STPG2: variants seen among roughly 807,000 people sequenced by gnomAD.
STPG2 encodes sperm tail PG-rich repeat containing 2, also known as sperm-tail PG-rich repeat-containing protein 2.
In STPG2, 56 loss-of-function variants were observed where a neutral mutation model predicts 54.2. That is an observed-to-expected ratio of 1.03 (90% CI 0.83 to 1.29). The LOEUF (loss-of-function observed/expected upper bound fraction) is 1.29, where lower values mean the gene tolerates loss of function less well. Among genes scored for constraint, STPG2 ranks in the 50% most tolerant of loss-of-function variants. STPG2 has a pLI of 0.00. For missense variants in STPG2, 596 were observed against 544.9 expected (o/e 1.09, Z -0.93); for synonymous variants, 200 against 181.8 (o/e 1.10, Z -0.81).
intron 5 of STPG2, among the ~76,000 whole-genome samples, chr4:98,070,894 A>G (rs942319146): frequency 6.6e-6 from 1 of 152,146 alleles, no homozygotes; most frequent in Non-Finnish European, 1.5e-5. Flanking sequence ...TTCCATGCTC[A>G]TGGATAGGAA....
intron 3 of STPG2, among the ~76,000 whole-genome samples, chr4:98,113,714 T>G (rs1005660322): frequency 6.6e-6 from 1 of 152,010 alleles, no homozygotes; most frequent in African/African-American, 2.4e-5. Flanking sequence ...GTAGGGATTC[T>G]AATTTGATAC....
chr4:97,573,904 C>A (rs559565143), intron 10 of STPG2, among the ~76,000 whole-genome samples: 2 of 152,094 alleles, frequency 1.3e-5, no homozygotes, highest in African/African-American at 4.8e-5. Context: ...TTATACAAAG[C>A]CTGGAATGTA....
intron 5 of STPG2, among the ~76,000 whole-genome samples, chr4:98,002,512 C>A (rs1363822838): frequency 2.0e-5 from 3 of 151,686 alleles, no homozygotes; most frequent in African/African-American, 7.3e-5. Context: ...ATGTATAGAC[C>A]CCTCAAGCAG....
At position 97,969,996 on chromosome 4, in the gene STPG2, G is replaced by T. The variant is rs866037505; in HGVS notation, c.933+2284C>A. On this transcript the variant is annotated intron_variant, in intron 7 of 10. Coordinates refer to ENST00000295268, the MANE Select transcript of STPG2 (RefSeq NM_174952.3). Reference sequence around the variant, plus strand: ...CAAAATCAATGTACAAAAATCACAAGCATTCTTATACACCAATAACAGACA... The same window carrying T: ...CAAAATCAATGTACAAAAATCACAATCATTCTTATACACCAATAACAGACA... Among the ~76,000 whole-genome samples, 24 of 152,246 alleles carry T rather than the reference G, an allele frequency of 1.6e-4. 1 individual carries two copies. In the Middle Eastern group the frequency reaches 0.01, roughly 65 times the overall value.
intron 9 of STPG2, among the ~76,000 whole-genome samples, chr4:97,797,626 C>T (rs540568524): frequency 2.6e-5 from 4 of 152,236 alleles, no homozygotes; most frequent in African/African-American, 9.6e-5. Context: ...TGATGTTCAT[C>T]AGGGATATTG....
chr4:97,748,186 G>A (rs1314678708), intron 9 of STPG2, among the ~76,000 whole-genome samples: 7 of 151,324 alleles, frequency 4.6e-5, no homozygotes, highest in Admixed American at 1.3e-4. Flanking sequence ...TTCTTATTGC[G>A]GAATCATGTG....
At chr4:97,725,778 A>G (rs1217363255) in intron 9 of STPG2, among the ~76,000 whole-genome samples, 2 of 151,920 alleles carry the variant, frequency 1.3e-5, no homozygotes, top group Non-Finnish European at 2.9e-5. Flanking sequence ...TCAAATGTAA[A>G]AGGACACTAT....
intron 5 of STPG2, among the ~76,000 whole-genome samples, chr4:98,015,393 C>T (rs981357603): frequency 3.3e-5 from 5 of 152,080 alleles, no homozygotes; most frequent in Non-Finnish European, 7.4e-5. Context: ...AAAAAGTGGG[C>T]AAATGATATG....
intron 8 of STPG2, among the ~76,000 whole-genome samples, chr4:97,922,477 G>C (rs143030281): frequency 1.9e-3 from 296 of 152,238 alleles, no homozygotes; most frequent in African/African-American, 7.0e-3. Context: ...AAGAAACTGA[G>C]AATGCCTTTG....
chr4:97,971,274 C>T (rs1195936662), intron 7 of STPG2, among the ~76,000 whole-genome samples: 1 of 152,118 alleles, frequency 6.6e-6, no homozygotes, highest in Non-Finnish European at 1.5e-5. Context: ...ACTAGAAATA[C>T]CATTTGACCC....
At chr4:97,472,211 A>C (rs1178243253) in intron 4 of STPG2, among the ~76,000 whole-genome samples, 2 of 152,246 alleles carry the variant, frequency 1.3e-5, no homozygotes, top group East Asian at 3.8e-4. Context: ...GCAGAAATTC[A>C]TTCTGAAATT....
At chr4:97,928,008 A>G (rs1732399267) in intron 8 of STPG2, among the ~76,000 whole-genome samples, 1 of 152,164 alleles carries the variant, frequency 6.6e-6, no homozygotes, top group African/African-American at 2.4e-5. Context: ...CACATACTCA[A>G]AACCAAAACA....
At chr4:97,681,503 C>T (rs952046396) in intron 10 of STPG2, among the ~76,000 whole-genome samples, 2 of 151,706 alleles carry the variant, frequency 1.3e-5, no homozygotes, top group African/African-American at 2.4e-5. Context: ...TCTATATATT[C>T]GTTAATTGGC....
chr4:97,468,538 T>C (rs1729843055), intron 4 of STPG2, among the ~76,000 whole-genome samples: 1 of 152,030 alleles, frequency 6.6e-6, no homozygotes, highest in African/African-American at 2.4e-5. Context: ...CATTCCTAAA[T>C]GTATTGCATG....
intron 8 of STPG2, among the ~76,000 whole-genome samples, chr4:97,900,010 T>C (rs1474228336): frequency 6.6e-6 from 1 of 151,936 alleles, no homozygotes; most frequent in East Asian, 1.9e-4. Context: ...AAGGAAATTT[T>C]TGCAAACTAT....
intron 9 of STPG2, among the ~76,000 whole-genome samples, chr4:97,840,136 G>A (rs1182378084): frequency 2.0e-5 from 3 of 151,240 alleles, no homozygotes; most frequent in African/African-American, 4.9e-5. Context: ...TCAAATAAAT[G>A]TTTATCTTTT....
At chr4:97,886,529 G>T (rs1047378742) in intron 8 of STPG2, among the ~76,000 whole-genome samples, 1 of 152,184 alleles carries the variant, frequency 6.6e-6, no homozygotes, top group African/African-American at 2.4e-5. Flanking sequence ...AAGCCAAAAT[G>T]AATGGAGATA....
chr4:97,708,421 T>C (rs1029733974), intron 10 of STPG2, among the ~76,000 whole-genome samples: 1 of 151,966 alleles, frequency 6.6e-6, no homozygotes, highest in African/African-American at 2.4e-5. Context: ...AAGGGAAATA[T>C]GGCTGGCACC....
At chr4:97,600,741 T>C (rs1320505444) in intron 10 of STPG2, among the ~76,000 whole-genome samples, 2 of 152,076 alleles carry the variant, frequency 1.3e-5, no homozygotes, top group Admixed American at 1.3e-4. Flanking sequence ...GGGGGAAAGT[T>C]CAAAAATAGC....
Sources: allele counts gnomAD v4.1 joint callset (sites outside exome capture counted in the v4.1 genomes callset), GRCh38; gene constraint gnomAD v4.1.1; transcripts MANE v1.5; gene names NCBI Gene and HGNC (gene_info 2026-07-23, HGNC 2026-07-21).